Variants in DNAH2 observed in about 807,000 individuals in gnomAD.
The protein encoded by DNAH2 is axonemal beta dynein heavy chain 2.
A neutral mutation model predicts 523.5 loss-of-function variants in DNAH2; 323 were observed. That is an observed-to-expected ratio of 0.62 (90% CI 0.56 to 0.68). The LOEUF (loss-of-function observed/expected upper bound fraction) is 0.68, where lower values mean the gene tolerates loss of function less well. Ranked by LOEUF, DNAH2 falls within the 30% of genes least tolerant of loss-of-function variation. DNAH2 has a pLI of 0.00. For synonymous variants in DNAH2, 2,093 were observed against 2,177.4 expected, an observed-to-expected ratio of 0.96 and a Z score of 1.08; for missense variants, 4,907 against 5,701.5, an observed-to-expected ratio of 0.86 and a Z score of 4.49.
chr17:7,788,156 A>G lies in DNAH2; in HGVS notation c.6812A>G (p.Asn2271Ser), dbSNP rs776806098. 15 of 1,614,200 alleles carry G rather than the reference A, an allele frequency of 9.3e-6. No individual in the cohort carries two copies. The highest frequency in any genetic ancestry group is 1.2e-5 in the Non-Finnish European group (14 of 1,180,032). Residue 2271 changes from asparagine (N) to serine (S), a missense_variant, in exon 44 of 86, where the codon AAC becomes AGC. Around this residue, in one of 3 missense-constraint regions of DNAH2, gnomAD observed 2,806 missense variants for 3,190.8 expected, o/e 0.88. Transcript: ENST00000572933. ...INKMLAFKKD[N>S]CKELVPLPEY... ...AAGATGCTGGCCTTTAAGAAGGACA[A>G]CTGCAAGGAGCTGGTGCCCCTGCCC...
In DNAH2 at chr17:7,735,501, C is replaced by T. The variant is rs574878938; in HGVS notation, c.978+793C>T. Among the ~76,000 whole-genome samples, 7 of 152,078 alleles carry T rather than the reference C, an allele frequency of 4.6e-5. No homozygotes were observed. The South Asian group carries it at 6.2e-4, about 13-fold the overall frequency. The stretch of plus-strand genomic sequence containing the variant: ...TGCTGGAGGCTGAAGTGCAGTGGCA[C>T]GATCTCGGCTCACTGCAACCTCTAC... On this transcript the variant is annotated intron_variant, in intron 7 of 85. Transcript: ENST00000572933.
chr17:7,726,429 G>A (rs1030213749), intron 3 of DNAH2, among the ~76,000 whole-genome samples: 2 of 151,268 alleles, frequency 1.3e-5, no homozygotes, highest in Non-Finnish European at 2.9e-5. Flanking sequence ...GCAGCTTCCC[G>A]AGTAGCTGGG....
chr17:7,819,459 T>A (rs1300944300), intron 72 of DNAH2, 51 bp downstream of exon 72: 2 of 1,601,102 alleles, frequency 1.2e-6, no homozygotes, highest in Non-Finnish European at 1.7e-6. Context: ...GTGGCTGTGG[T>A]TCTTCTGGCC....
rs367558622 is a variant in DNAH2 at position 7,722,449 on chromosome 17, G to A, written c.167-1179G>A. Among the ~76,000 whole-genome samples, 100 of 152,100 alleles carry A rather than the reference G, an allele frequency of 6.6e-4. 3 individuals are homozygous for A. In the South Asian group the frequency reaches 0.019, roughly 29 times the overall value. On this transcript the variant is annotated intron_variant, in intron 2 of 85. Coordinates refer to ENST00000572933, the MANE Select transcript of DNAH2 (RefSeq NM_020877.5). ...TCTAATTTTAGAACATTTTTATCCC[G>A]CCAAAAGAAAGCCACTTTAAGCACC...
At chr17:7,811,479 A>G (rs2077515777) in intron 63 of DNAH2, among the ~76,000 whole-genome samples, 1 of 152,204 alleles carries the variant, frequency 6.6e-6, no homozygotes, top group Non-Finnish European at 1.5e-5. Flanking sequence ...CTGAGGGGTT[A>G]TCTCAGTTCA....
Position 7,821,455 on chromosome 17 carries a change from G to T in DNAH2, c.11142+86G>T. The T allele has an allele frequency of 1.3e-6, 2 of 1,486,886 alleles. No homozygotes were observed. The highest frequency in any genetic ancestry group is 1.3e-5 in the South Asian group (1 of 75,322). The allele number at this position is 1,486,886 out of a possible 1,614,324, so 92.1% of individuals were successfully genotyped here. A position where few individuals can be genotyped will look rare whatever the true frequency, so the allele number is the denominator to read the frequency against. On this transcript the variant is annotated intron_variant, in intron 73 of 85. Coordinates refer to ENST00000572933, the MANE Select transcript of DNAH2 (RefSeq NM_020877.5). This position sits in a 1 kb window ranked among gnomAD's most constrained non-coding sequence, Gnocchi z 5.0. ...TGTGACAAGGACTCCAGACCCAGAG[G>T]GTCAGGCCCACAGCATCAGTGAGTG...
intron 85 of DNAH2, 23 bp downstream of exon 85, chr17:7,833,244 ACCTGCCTGCCCCGTC>A: frequency 6.2e-7 from 1 of 1,606,490 alleles, no homozygotes; most frequent in Non-Finnish European, 8.5e-7. Context: ...CCCAGGCAGG[ACCTGCCTGCCCCGTC>A]CCTAGTTTGG....
chr17:7,826,329 T>C (rs2078017188), intron 77 of DNAH2, among the ~76,000 whole-genome samples: 1 of 152,138 alleles, frequency 6.6e-6, no homozygotes, highest in Non-Finnish European at 1.5e-5. Flanking sequence ...GTGCCCAGCC[T>C]GAGTTTTACT....
At chr17:7,803,083 A>G (rs2077267760) in intron 58 of DNAH2, among the ~76,000 whole-genome samples, 1 of 152,200 alleles carries the variant, frequency 6.6e-6, no homozygotes, top group Non-Finnish European at 1.5e-5. Context: ...TCCCCACCCA[A>G]GCAGTTCTCC....
At chr17:7,829,139 C>T (rs369091459) in intron 77 of DNAH2, among the ~76,000 whole-genome samples, 19 of 152,182 alleles carry the variant, frequency 1.2e-4, no homozygotes, top group East Asian at 1.2e-3. Context: ...CTCAGCCTCC[C>T]GAGTAGCTGG....
chr17:7,792,840 C>T lies in DNAH2; in HGVS notation c.7329C>T (p.Val2443=), dbSNP rs754371803. Residue 2443 remains valine, a synonymous_variant, in exon 47 of 86, where the codon GTC becomes GTT. Transcript: ENST00000572933. Reference sequence around the variant, plus strand: ...CCAGCCAGTGGTCGGTGCTCGTTGTCAACATGTCCGCACAGGTGTGTCGGG... The same window carrying T: ...CCAGCCAGTGGTCGGTGCTCGTTGTTAACATGTCCGCACAGGTGTGTCGGG... The part of the protein sequence containing the change: ...LPSSQWSVLV[V]NMSAQTTSNN... The T allele has an allele frequency of 6.2e-7, 1 of 1,614,096 alleles. No individual in the cohort carries two copies. Among genetic ancestry groups the T allele is most frequent in the Non-Finnish European group, 8.5e-7 (1 of 1,179,976 alleles).
intron 56 of DNAH2, 150 bp from the exon 57 acceptor site, chr17:7,801,428 T>C: frequency 8.9e-7 from 1 of 1,118,218 alleles, no homozygotes; most frequent in Non-Finnish European, 1.3e-6. Flanking sequence ...GAACTAGCTC[T>C]GCAGGAACAG....
rs756281564 is a variant in DNAH2, at chr17:7,765,546, G to A, written c.3492G>A (p.Leu1164=). 1.9e-6 allele frequency: 3 copies of A among 1,613,510 alleles called. No homozygotes were observed. The highest frequency in any genetic ancestry group is 2.5e-6 in the Non-Finnish European group (3 of 1,179,694). The change falls in exon 21 of 86, where the codon CTG becomes CTA. Residue 1164 remains leucine, a synonymous_variant. Coordinates refer to ENST00000572933, the MANE Select transcript of DNAH2 (RefSeq NM_020877.5). The stretch of plus-strand genomic sequence containing the variant: ...TCAAGAAGAAAGCACATACACTTCT[G>A]GAAGATTTCGAATTCAAAGGTACTC... ...DDFKKKAHTL[L]EDFEFKGHFT...
intron 3 of DNAH2, among the ~76,000 whole-genome samples, chr17:7,726,911 T>G (rs981792881): frequency 1.2e-4 from 18 of 152,288 alleles, no homozygotes; most frequent in African/African-American, 4.3e-4. Context: ...TCTGTTTGTT[T>G]GTTTGTTTGT....
chr17:7,797,485 C>T lies in DNAH2; in HGVS notation c.8035C>T (p.Leu2679Phe). 1 of 1,614,192 alleles carries T rather than the reference C, an allele frequency of 6.2e-7. No individual in the cohort carries two copies. Among genetic ancestry groups the T allele is most frequent in the Non-Finnish European group, 8.5e-7 (1 of 1,180,040 alleles). The change falls in exon 52 of 86, where the codon CTC becomes TTC. Residue 2679 changes from leucine to phenylalanine, a missense_variant. By Grantham distance (22) the Leu-to-Phe change is conservative. This residue lies in a region of DNAH2 where 250 missense variants were observed against 371.3 expected (regional missense o/e 0.67). Transcript: ENST00000572933. ...CGACAAGCTCGGCTCCTTCTTTGAC[C>T]TCACATTTCATCATCTCTGTCCCAG... Reference protein sequence around the residue: ...ISDKLGSFFDLTFHHLCPSKR... With the variant: ...ISDKLGSFFDFTFHHLCPSKR...
chr17:7,830,589 T>C, intron 78 of DNAH2, 69 bp from the exon 79 acceptor site: 1 of 1,608,670 alleles, frequency 6.2e-7, no homozygotes, highest in Non-Finnish European at 8.5e-7. Flanking sequence ...AAAGCCTGTG[T>C]TGAAGCCCCA....
rs551512236 is a variant in DNAH2 at position 7,798,379 on chromosome 17, G to T, written c.8398+55G>T. The T allele has an allele frequency of 1.2e-4, 180 of 1,564,628 alleles. 1 individual carries two copies. In the South Asian group the frequency reaches 1.3e-3, roughly 11 times the overall value. On this transcript the variant is annotated intron_variant, in intron 54 of 85. Coordinates refer to ENST00000572933, the MANE Select transcript of DNAH2 (RefSeq NM_020877.5). This position sits in a 1 kb window ranked among gnomAD's most constrained non-coding sequence, Gnocchi z 5.5. ...TAAAAGATCAGATGCATACATTCCT[G>T]CAGTGACAAGAGAGGAGAGATGGCA...
Position 7,766,442 on chromosome 17 carries a change from C to A in DNAH2, c.3636C>A (p.Ile1212=). The change falls in exon 22 of 86, where the codon ATC becomes ATA. Residue 1212 remains isoleucine (I), a synonymous_variant. Transcript: ENST00000572933. The part of the protein sequence containing the change: ...SLRANLGIFK[I]EQPPSKDLQN... ...GAGCCAACCTGGGCATCTTCAAGAT[C>A]GAGCAGCCACCCTCCAAGGACCTTC... 1.2e-6 allele frequency: 2 copies of A among 1,613,900 alleles called. No individual in the cohort carries two copies. Among genetic ancestry groups the A allele is most frequent in the Non-Finnish European group, 1.7e-6 (2 of 1,179,934 alleles).
intron 56 of DNAH2, among the ~76,000 whole-genome samples, chr17:7,800,297 C>T (rs1218564945): frequency 9.9e-5 from 15 of 152,224 alleles, no homozygotes; most frequent in African/African-American, 3.1e-4. Context: ...GTGATCCACC[C>T]GCCTTGGCAT....
Sources: gnomAD v4.1 joint callset for allele counts (sites outside exome capture counted in the v4.1 genomes callset) on GRCh38, gnomAD v4.1.1 for gene constraint, gnomAD v4.1.1 regional missense constraint, Gnocchi (gnomAD v3.1) non-coding constraint, MANE v1.5 for transcripts, NCBI Gene and HGNC (gene_info 2026-07-23, HGNC 2026-07-21) for gene names.